Variants in PRC1 observed in about 807,000 individuals in gnomAD.
PRC1 encodes the protein anaphase spindle elongation 1 homolog.
PRC1 carries 54 observed loss-of-function variants against 91.2 expected under a neutral mutation model. That is an observed-to-expected ratio of 0.59 (90% confidence interval 0.48 to 0.74). The LOEUF (loss-of-function observed/expected upper bound fraction) is 0.74. Among genes scored for constraint, PRC1 ranks in the 30% least tolerant of loss-of-function variants. PRC1 has a pLI of 0.00. For synonymous variants in PRC1, 275 were observed against 263.6 expected, an observed-to-expected ratio of 1.04 and a Z score of -0.42; for missense variants, 727 against 746.2, an observed-to-expected ratio of 0.97 and a Z score of 0.30.
chr15:90,982,282 T>C (rs759077166), intron 3 of PRC1, among the ~76,000 whole-genome samples: 2 of 152,252 alleles, frequency 1.3e-5, no homozygotes, highest in East Asian at 3.9e-4. Flanking sequence ...TACAGTCATA[T>C]TGTTGTGCAA....
rs1567186418 is a variant in PRC1 at position 90,974,558 on chromosome 15, C to G, written c.1350+27G>C. ...CTCAGATTACTTTCTTCGTCTTTTC[C>G]CAATTTGCGTTCACGTTCACACTTA... On this transcript the variant is annotated intron_variant, in intron 10 of 14. Transcript: ENST00000394249. This position sits in a 1 kb window ranked among gnomAD's most constrained non-coding sequence, Gnocchi z 4.6. 6.2e-7 allele frequency: 1 copy of G among 1,613,786 alleles called. No homozygotes were observed. Among genetic ancestry groups the G allele is most frequent in the East Asian group, 2.2e-5 (1 of 44,874 alleles).
chr15:90,967,057 A>T lies in PRC1; in HGVS notation c.*74T>A. On this transcript the variant is annotated 3_prime_UTR_variant, in exon 15 of 15. Coordinates refer to ENST00000394249, the MANE Select transcript of PRC1 (RefSeq NM_003981.4). The stretch of plus-strand genomic sequence containing the variant: ...TCAAGCACGCCTAAGCTGAAGAAAA[A>T]CTAAAGTCACCCCCATATAATTAGG... 1 of 1,391,794 alleles carries T rather than the reference A, an allele frequency of 7.2e-7. No individual in the cohort carries two copies. The highest frequency in any genetic ancestry group is 1.2e-5 in the South Asian group (1 of 84,552). The allele number at this position is 1,391,794 out of a possible 1,614,324, so 86.2% of individuals were successfully genotyped here.
intron 1 of PRC1, among the ~76,000 whole-genome samples, chr15:90,989,975 CCCA>C (rs1567206635): frequency 6.6e-6 from 1 of 152,062 alleles, no homozygotes; most frequent in African/African-American, 2.4e-5. Context: ...AGGTGATCCT[CCCA>C]CCTGAGCCTC....
chr15:90,969,326 G>C, intron 13 of PRC1, 121 bp downstream of exon 13: 1 of 1,347,750 alleles, frequency 7.4e-7, no homozygotes, highest in Non-Finnish European at 1.0e-6. Context: ...AGCAGGAAAG[G>C]GATTCTCAGC....
At chr15:90,972,010 A>G (rs1166340020) in intron 11 of PRC1, among the ~76,000 whole-genome samples, 1 of 151,914 alleles carries the variant, frequency 6.6e-6, no homozygotes, top group Admixed American at 6.6e-5. Flanking sequence ...CCTGGGCAAC[A>G]GAGCGAGACT....
At chr15:90,985,880 G>A (rs1256680731) in intron 1 of PRC1, 1 of 151,938 alleles carries the variant, frequency 6.6e-6, no homozygotes, top group Non-Finnish European at 1.5e-5. Context: ...TTGAGATGGG[G>A]TTTCACTACG....
At chr15:90,973,507 A>C (rs35521046) in intron 11 of PRC1, among the ~76,000 whole-genome samples, 7,896 of 152,222 alleles carry the variant, frequency 0.052, 295 homozygotes, top group South Asian at 0.15. Context: ...ACCATCCCCC[A>C]GCCCGACACC....
Position 90,984,953 on chromosome 15 carries a change from A to G in PRC1, c.12-128T>C, listed in dbSNP as rs2039475996. On this transcript the variant is annotated intron_variant, in intron 1 of 14. Transcript: ENST00000394249. This position sits in a 1 kb window ranked among gnomAD's most constrained non-coding sequence, Gnocchi z 5.1. Reference sequence around the variant, plus strand: ...AGAAAAAAACAAATTGAAAACAAGCATTCAGCTTAATTCACCTTTAACCAC... The same window carrying G: ...AGAAAAAAACAAATTGAAAACAAGCGTTCAGCTTAATTCACCTTTAACCAC... 1 of 1,134,644 alleles carries G rather than the reference A, an allele frequency of 8.8e-7. No individual in the cohort carries two copies. Among genetic ancestry groups the G allele is most frequent in the Non-Finnish European group, 1.2e-6 (1 of 804,282 alleles). 70.3% of individuals were successfully genotyped at this position (1,134,644 alleles called of 1,614,324 possible). A position where few individuals can be genotyped will look rare whatever the true frequency, so the allele number is the denominator to read the frequency against.
rs1476775843 is a variant in PRC1 at position 90,969,571 on chromosome 15, T to C, written c.1625A>G (p.His542Arg). 6 of 1,613,624 alleles carry C rather than the reference T, an allele frequency of 3.7e-6. No homozygotes were observed. In the African/African-American group the frequency reaches 4.0e-5, roughly 11 times the overall value. ...SGKKTPRTGR[H>R]GANKENLELN... ...CTCCAGGTTCTCCTTGTTGGCTCCA[T>C]GCCTGCCAGTACGGGGTGTTTTCTT... The change falls in exon 13 of 15, where the codon CAT (histidine) becomes CGT (arginine). Residue 542 changes from histidine to arginine, a missense_variant. Physicochemically the swap from His to Arg is conservative, Grantham distance 29. Coordinates refer to ENST00000394249, the MANE Select transcript of PRC1 (RefSeq NM_003981.4).
chr15:90,969,760 AAACATATATATATATATATATATAT>A, intron 12 of PRC1, 137 bp from the exon 13 acceptor site: 1 of 179,446 alleles, frequency 5.6e-6, no homozygotes. Flanking sequence ...GTTAAAAAAA[AAACATATATATATATATATATATAT>A]ATATATATAT....
intron 14 of PRC1, chr15:90,968,486 A>C (rs1486233491): frequency 2.5e-5 from 25 of 985,708 alleles, no homozygotes; most frequent in African/African-American, 3.5e-5. Context: ...ATTAAGTAAA[A>C]GGCAGTGTAG....
intron 1 of PRC1, among the ~76,000 whole-genome samples, chr15:90,992,280 C>G (rs1223997623): frequency 6.6e-6 from 1 of 152,216 alleles, no homozygotes; most frequent in Non-Finnish European, 1.5e-5. Context: ...ATTTATTACA[C>G]TCCTCTTTTG....
chr15:90,980,638 G>C, intron 6 of PRC1: 1 of 668,816 alleles, frequency 1.5e-6, no homozygotes, highest in Non-Finnish European at 2.4e-6. Flanking sequence ...TCCTGTCTCA[G>C]CCTCCCAAGT....
Position 90,980,947 on chromosome 15 carries a change from A to G in PRC1, c.759T>C (p.Pro253=). ...IRELWDRLQI[P]EEEREAVATI... is the part of the protein sequence containing the mutation. ...TGGCCACAGCTTCTCTTTCTTCTTC[A>G]GGTATTTGCAACCTGTCCCAGAGCT... is the stretch of plus-strand genomic sequence containing the variant. Residue 253 remains proline, a synonymous_variant, in exon 6 of 15, where the codon CCT becomes CCC. Coordinates refer to ENST00000394249, the MANE Select transcript of PRC1 (RefSeq NM_003981.4). 1 of 1,614,168 alleles carries G rather than the reference A, an allele frequency of 6.2e-7. No homozygotes were observed. Among genetic ancestry groups the G allele is most frequent in the Non-Finnish European group, 8.5e-7 (1 of 1,180,026 alleles).
At position 90,974,336 on chromosome 15, in the gene PRC1, G is replaced by A. The variant is rs1010817601; in HGVS notation, c.1351-90C>T. ...GCAGCAGGGCCGGGAATCTAGGCCC[G>A]TGTCTCTACAGCCAGAGCTAAAGAG... On this transcript the variant is annotated intron_variant, in intron 10 of 14. Transcript: ENST00000394249. The surrounding 1 kb of genome is among the most constrained non-coding windows in gnomAD (Gnocchi z 4.6). 2.2e-4 allele frequency: 262 copies of A among 1,211,062 alleles called. 1 individual carries two copies. The highest frequency in any genetic ancestry group is 5.1e-4 in the Middle Eastern group (2 of 3,952). 75.0% of individuals were successfully genotyped at this position (1,211,062 alleles called of 1,614,324 possible). A position where few individuals can be genotyped will look rare whatever the true frequency, so the allele number is the denominator to read the frequency against.
intron 11 of PRC1, chr15:90,972,849 T>A (rs1397838924): frequency 6.6e-6 from 1 of 152,248 alleles, no homozygotes; most frequent in Non-Finnish European, 1.5e-5. Flanking sequence ...GGCCATCTCT[T>A]GGTCTTACAG....
Position 90,976,701 on chromosome 15 carries a change from G to C in PRC1, c.1178C>G (p.Ala393Gly). 1 of 1,613,354 alleles carries C rather than the reference G, an allele frequency of 6.2e-7. No individual in the cohort carries two copies. Among genetic ancestry groups the C allele is most frequent in the Non-Finnish European group, 8.5e-7 (1 of 1,179,368 alleles). Residue 393 changes from alanine to glycine, a missense_variant, in exon 9 of 15, where the codon GCC becomes GGC. Physicochemically the swap from Ala to Gly is moderately conservative, Grantham distance 60. Coordinates refer to ENST00000394249, the MANE Select transcript of PRC1 (RefSeq NM_003981.4). ...CTTGGGCAGCATTTTCTGGAGCTTG[G>C]CTCGTTGTTTTTCTTCTTTTAGAAG... The part of the protein sequence containing the change: ...GNLLKEEKQR[A>G]KLQKMLPKLE...
rs930881024 is a variant in PRC1, at chr15:90,970,318, T to C, written c.1572+86A>G. The C allele has an allele frequency of 2.0e-5, 20 of 980,800 alleles. No homozygotes were observed. In the African/African-American group the frequency reaches 2.6e-4, roughly 13 times the overall value. 60.8% of individuals were successfully genotyped at this position (980,800 alleles called of 1,614,324 possible). On this transcript the variant is annotated intron_variant, in intron 12 of 14. Transcript: ENST00000394249. Reference sequence around the variant, plus strand: ...CAATAAGAACCAAATCCAGGGATCTTAGAATCTAGAACAAGTAGGTGGGGC... The same window carrying C: ...CAATAAGAACCAAATCCAGGGATCTCAGAATCTAGAACAAGTAGGTGGGGC...
At position 90,969,506 on chromosome 15, in the gene PRC1, C is replaced by T. The variant is rs376085606; in HGVS notation, c.1690G>A (p.Ala564Thr). The change falls in exon 13 of 15, where the codon GCC becomes ACC. Residue 564 changes from alanine (A) to threonine (T), a missense_variant. Transcript: ENST00000394249. ...SILSGGYPGSAPLQRNFSINS... is the reference protein window; with the variant it reads ...SILSGGYPGSTPLQRNFSINS... Reference sequence around the variant, plus strand: ...ATGCTGAAGTTGCGCTGGAGGGGGGCCGAGCCAGGGTACCCACCACTCAGG... The same window carrying T: ...ATGCTGAAGTTGCGCTGGAGGGGGGTCGAGCCAGGGTACCCACCACTCAGG... 3.4e-5 allele frequency: 55 copies of T among 1,612,762 alleles called. No homozygotes were observed. The highest frequency in any genetic ancestry group is 3.3e-4 in the Middle Eastern group (2 of 6,074).
Sources: allele counts gnomAD v4.1 joint callset (sites outside exome capture counted in the v4.1 genomes callset), GRCh38; gene constraint gnomAD v4.1.1; non-coding constraint Gnocchi (gnomAD v3.1); transcripts MANE v1.5; gene names NCBI Gene and HGNC (gene_info 2026-07-23, HGNC 2026-07-21).